Variants in L3MBTL3 observed in about 807,000 individuals in gnomAD.
L3MBTL3 encodes the protein L3MBTL histone methyl-lysine binding protein 3.
Under a neutral mutation model 102.3 loss-of-function variants are expected in L3MBTL3, and 27 were observed. That is an observed-to-expected ratio of 0.26 (90% CI 0.19 to 0.36). The LOEUF (loss-of-function observed/expected upper bound fraction) is 0.36, where lower values mean the gene tolerates loss of function less well. Among genes scored for constraint, L3MBTL3 ranks in the 10% least tolerant of loss-of-function variants. The pLI, the probability that L3MBTL3 is intolerant of heterozygous loss-of-function variation, is 1.00. For synonymous variants in L3MBTL3, 340 were observed against 320.9 expected (o/e 1.06, Z -0.64); for missense variants, 798 against 955.3 (o/e 0.84, Z 2.17).
intron 13 of L3MBTL3, among the ~76,000 whole-genome samples, chr6:130,073,686 A>G (rs577757197): frequency 7.9e-5 from 12 of 152,268 alleles, no homozygotes; most frequent in African/African-American, 1.9e-4. Flanking sequence ...AGAATTCGCC[A>G]TGTTCATTTT....
intron 16 of L3MBTL3, among the ~76,000 whole-genome samples, chr6:130,087,002 A>G (rs898079796): frequency 2.0e-5 from 3 of 152,214 alleles, no homozygotes; most frequent in African/African-American, 7.2e-5. Flanking sequence ...GGAAGTATAC[A>G]TTGTTATCAC....
rs566631438 is a variant in L3MBTL3 at position 130,082,102 on chromosome 6, T to C, written c.1322-1518T>C. ...TCTCAGGTGGCTCATCATGTCAGTC[T>C]GTCTCTTTACTGGTTCGCTTTTACC... is the stretch of plus-strand genomic sequence containing the variant. On this transcript the variant is annotated intron_variant, in intron 14 of 22. Transcript: ENST00000361794. Among the ~76,000 whole-genome samples the C allele has an allele frequency of 2.0e-5, 3 of 152,358 alleles. No homozygotes were observed. The South Asian group carries it at 6.2e-4, about 32-fold the overall frequency.
intron 10 of L3MBTL3, among the ~76,000 whole-genome samples, chr6:130,065,454 TA>T (rs1410548778): frequency 1.3e-5 from 2 of 152,220 alleles, no homozygotes; most frequent in African/African-American, 4.8e-5. Context: ...TTATGTGTTC[TA>T]CCACTTGAAT....
At chr6:130,041,346 A>G (rs1780408351) in intron 2 of L3MBTL3, among the ~76,000 whole-genome samples, 1 of 152,190 alleles carries the variant, frequency 6.6e-6, no homozygotes, top group Non-Finnish European at 1.5e-5. Context: ...CCATTAATTT[A>G]TTAAAGGTTA....
In L3MBTL3 at chr6:130,139,740, AC is replaced by A. The variant is rs774626293; in HGVS notation, c.2331del (p.His777GlnfsTer10). On this transcript the variant is annotated frameshift_variant, in exon 23 of 23. Coordinates refer to ENST00000361794, the MANE Select transcript of L3MBTL3 (RefSeq NM_032438.4). LOFTEE classifies it high-confidence loss of function. ...TTCAAAGCTGCAGAGAAGAATTCTC[AC>A]AATGAACTTTGAAGATGGTGAATTC... Reference protein sequence around the residue: ...LMFKAAEKNSHNEL With the variant: ...LMFKAAEKNSXNEL 1 of 1,613,192 alleles carries A rather than the reference AC, an allele frequency of 6.2e-7. No individual in the cohort carries two copies. Among genetic ancestry groups the A allele is most frequent in the East Asian group, 2.2e-5 (1 of 44,764 alleles).
intron 7 of L3MBTL3, among the ~76,000 whole-genome samples, chr6:130,053,621 C>T (rs533073428): frequency 7.2e-5 from 10 of 139,796 alleles, no homozygotes; most frequent in South Asian, 2.3e-4. Context: ...GGCGACAGAG[C>T]GAGACTGTGT....
Position 130,086,151 on chromosome 6 carries a change from T to G in L3MBTL3, c.1419T>G (p.His473Gln). ...TTTTTTTGTGGCAGAAACCTCCTCATGGATTCCAGAAAAAAATGAAGCTTG... is the reference window on the plus strand; with the variant it reads ...TTTTTTTGTGGCAGAAACCTCCTCAGGGATTCCAGAAAAAAATGAAGCTTG... ...PARAFKVKPP[H>Q]GFQKKMKLEV... is the part of the protein sequence containing the mutation. The change falls in exon 16 of 23, where the codon CAT becomes CAG. Residue 473 changes from histidine (H) to glutamine (Q), a missense_variant. His to Gln is a conservative substitution (Grantham distance 24). Around this residue, in one of 4 missense-constraint regions of L3MBTL3, gnomAD observed 306 missense variants for 314.4 expected, o/e 0.97. Transcript: ENST00000361794. 6.2e-7 allele frequency: 1 copy of G among 1,612,392 alleles called. No homozygotes were observed.
chr6:130,092,595 G>T, intron 16 of L3MBTL3, 150 bp from the exon 17 acceptor site: 1 of 548,220 alleles, frequency 1.8e-6, no homozygotes, highest in South Asian at 2.5e-5. Flanking sequence ...TTCACATTAT[G>T]AGTGAAGTAT....
rs555982180 is a variant in L3MBTL3 at position 130,098,571 on chromosome 6, A to G, written c.1736+4204A>G. 1.5e-4 allele frequency among the ~76,000 whole-genome samples: 23 copies of G among 152,304 alleles called. No homozygotes were observed. The South Asian group carries it at 4.3e-3, about 29-fold the overall frequency. On this transcript the variant is annotated intron_variant, in intron 18 of 22. Transcript: ENST00000361794. ...ATGTCACTCTTCTTTTTAAATAATA[A>G]TAATCGGTGGGATTTATTGATGACT... is the stretch of plus-strand genomic sequence containing the variant.
At chr6:130,021,689 T>G (rs1311391511) in intron 1 of L3MBTL3, among the ~76,000 whole-genome samples, 1 of 152,230 alleles carries the variant, frequency 6.6e-6, no homozygotes, top group Non-Finnish European at 1.5e-5. Flanking sequence ...CATTTTACTG[T>G]CTGATAAGTG....
chr6:130,089,659 T>A (rs796256589), intron 16 of L3MBTL3, among the ~76,000 whole-genome samples: 13 of 152,330 alleles, frequency 8.5e-5, no homozygotes, highest in African/African-American at 3.1e-4. Context: ...TCCACAATGG[T>A]TGAACTAGTT....
chr6:130,049,665 T>A, intron 4 of L3MBTL3, 91 bp from the exon 5 acceptor site: 1 of 1,482,134 alleles, frequency 6.7e-7, no homozygotes, highest in South Asian at 1.2e-5. Context: ...CACAGGTGAT[T>A]TAGCCAAAAG....
intron 20 of L3MBTL3, among the ~76,000 whole-genome samples, chr6:130,132,217 A>T (rs1241540968): frequency 6.6e-6 from 1 of 152,274 alleles, no homozygotes; most frequent in Non-Finnish European, 1.5e-5. Context: ...AACAATGTGG[A>T]TGAATCTCAG....
At chr6:130,136,695 G>C (rs1429076067) in intron 22 of L3MBTL3, among the ~76,000 whole-genome samples, 3 of 151,770 alleles carry the variant, frequency 2.0e-5, no homozygotes, top group South Asian at 2.1e-4. Flanking sequence ...TTAGCTCACT[G>C]CAACCTCTGC....
chr6:130,057,940 G>A (rs991242147), intron 9 of L3MBTL3, among the ~76,000 whole-genome samples: 3 of 151,020 alleles, frequency 2.0e-5, no homozygotes, highest in Non-Finnish European at 3.0e-5. Context: ...TCAGGAGATC[G>A]AGACCATCCT....
At chr6:130,066,729 A>G (rs762863176) in intron 11 of L3MBTL3, among the ~76,000 whole-genome samples, 2 of 152,208 alleles carry the variant, frequency 1.3e-5, no homozygotes, top group Non-Finnish European at 2.9e-5. Context: ...ATGATACTCA[A>G]CTTTGACTAC....
chr6:130,131,103 T>C (rs967528160), intron 20 of L3MBTL3, among the ~76,000 whole-genome samples: 1 of 152,114 alleles, frequency 6.6e-6, no homozygotes, highest in African/African-American at 2.4e-5. Flanking sequence ...CCAAAGAAAT[T>C]GAGGGATTTA....
chr6:130,101,052 G>C (rs1415459397), intron 18 of L3MBTL3, among the ~76,000 whole-genome samples: 1 of 152,174 alleles, frequency 6.6e-6, no homozygotes, highest in African/African-American at 2.4e-5. Context: ...AGTTTATTTA[G>C]AGAAACTAAA....
Position 130,139,590 on chromosome 6 carries a change from G to T in L3MBTL3, c.2200-20G>T, listed in dbSNP as rs1156621633. ...GCATCTTGTTAATCCACATTCTGTT[G>T]TTTTTTTCCCCCATTTTAGCAAATT... On this transcript the variant is annotated intron_variant, in intron 22 of 22. Coordinates refer to ENST00000361794, the MANE Select transcript of L3MBTL3 (RefSeq NM_032438.4). The T allele has an allele frequency of 6.2e-6, 10 of 1,608,158 alleles. No homozygotes were observed. Among genetic ancestry groups the T allele is most frequent in the Admixed American group, 3.3e-5 (2 of 59,932 alleles).
Sources: gnomAD v4.1 joint callset for allele counts (sites outside exome capture counted in the v4.1 genomes callset) on GRCh38, gnomAD v4.1.1 for gene constraint, gnomAD v4.1.1 regional missense constraint, MANE v1.5 for transcripts, NCBI Gene and HGNC (gene_info 2026-07-23, HGNC 2026-07-21) for gene names.